SNX20: variants seen among roughly 807,000 people sequenced by gnomAD.
The protein encoded by SNX20 is sorting nexin 20.
Under a neutral mutation model 24.5 loss-of-function variants are expected in SNX20, and 21 were observed. That is an observed-to-expected ratio of 0.86 (90% confidence interval 0.61 to 1.23). The LOEUF (loss-of-function observed/expected upper bound fraction) is 1.23. Among genes scored for constraint, SNX20 ranks in the 50% most tolerant of loss-of-function variants. SNX20 has a pLI of 0.00. For synonymous variants in SNX20, 206 were observed against 192.8 expected (o/e 1.07, Z -0.57); for missense variants, 433 against 430.8 (o/e 1.00, Z -0.04).
At position 50,673,397 on chromosome 16, in the gene SNX20, C is replaced by T; in HGVS notation, c.*9G>A. On this transcript the variant is annotated 3_prime_UTR_variant, in exon 4 of 4. Coordinates refer to ENST00000330943, the MANE Select transcript of SNX20 (RefSeq NM_182854.4). This position sits in a 1 kb window ranked among gnomAD's most constrained non-coding sequence, Gnocchi z 4.1. The stretch of plus-strand genomic sequence containing the variant: ...AATCTCCAGCGTCCCTGCGGGGTCC[C>T]AGGCCGGCTCAGTGCAGGTATTCTC... The T allele has an allele frequency of 6.7e-7, 1 of 1,487,496 alleles. No individual in the cohort carries two copies. The highest frequency in any genetic ancestry group is 9.0e-7 in the Non-Finnish European group (1 of 1,113,556). The allele number at this position is 1,487,496 out of a possible 1,614,324, so 92.1% of individuals were successfully genotyped here.
chr16:50,679,943 C>T (rs951982360), intron 1 of SNX20, among the ~76,000 whole-genome samples: 4 of 152,206 alleles, frequency 2.6e-5, no homozygotes. Flanking sequence ...GGCTCCAGGT[C>T]AGAAGCAGGG....
At chr16:50,677,348 A>C (rs372314854) in intron 2 of SNX20, 49 bp downstream of exon 2, 93 of 1,491,334 alleles carry the variant, frequency 6.2e-5, no homozygotes, top group Non-Finnish European at 8.2e-5. Flanking sequence ...TTGTACTTTG[A>C]ATGTCTTCAG....
chr16:50,671,067 A>ACCCCCCCCCCCCCCCCCCCCCCCCC (rs1336879560), downstream of SNX20: 1 of 129,578 alleles, frequency 7.7e-6, no homozygotes. Flanking sequence ...CTCTGTGTGC[A>ACCCCCCCCCCCCCCCCCCCCCCCCC]CCCCCCGCCC....
rs944507574 is a variant in SNX20, at chr16:50,673,829, G to C, written c.528C>G (p.Arg176=). 1.3e-6 allele frequency: 2 copies of C among 1,598,980 alleles called. No homozygotes were observed. Among genetic ancestry groups the C allele is most frequent in the African/African-American group, 1.3e-5 (1 of 74,620 alleles). The change falls in exon 4 of 4, where the codon CGC becomes CGG. Residue 176 remains arginine, a synonymous_variant. Transcript: ENST00000330943. The surrounding 1 kb of genome is among the most constrained non-coding windows in gnomAD (Gnocchi z 4.1). ...TGAGGAAGTCCAGGAACTCCCGGGA[G>C]CGGCGCACGCAGCGGATGGCGTAGA... ...GLLYAIRCVR[R]SREFLDFLTR...
Position 50,677,416 on chromosome 16 carries a change from TG to T in SNX20, c.110del (p.Pro37GlnfsTer7). 6.2e-7 allele frequency: 1 copy of T among 1,603,090 alleles called. No homozygotes were observed. On this transcript the variant is annotated frameshift_variant, in exon 2 of 4. Coordinates refer to ENST00000330943, the MANE Select transcript of SNX20 (RefSeq NM_182854.4). LOFTEE classifies it high-confidence loss of function. ...APATGPDLPH[P>X]GPDGHLDTHS... ...GCCCACCTAAGTGCCCGTCAGGTCC[TG>T]GGTGCGGGAGGTCGGGGCCAGTGGC... is the stretch of plus-strand genomic sequence containing the variant.
chr16:50,673,458 G>C lies in SNX20; in HGVS notation c.899C>G (p.Thr300Arg). Residue 300 changes from threonine to arginine, a missense_variant, in exon 4 of 4, where the codon ACG becomes AGG. Thr to Arg is a moderately conservative substitution (Grantham distance 71, BLOSUM62 -1). Transcript: ENST00000330943. The surrounding 1 kb of genome is among the most constrained non-coding windows in gnomAD (Gnocchi z 4.1). ...CTCCTTCAGGGTGATGCCTCGGGGC[G>C]TGGGCCTCCGGAGCTGGCTCTCCTC... ...RLEESQLRRP[T>R]PRGITLKELT... 6.3e-7 allele frequency: 1 copy of C among 1,599,284 alleles called. No individual in the cohort carries two copies. Among genetic ancestry groups the C allele is most frequent in the Non-Finnish European group, 8.5e-7 (1 of 1,173,718 alleles).
At chr16:50,677,658 C>T (rs940218975) in intron 1 of SNX20, 123 bp from the exon 2 acceptor site, 4 of 1,072,426 alleles carry the variant, frequency 3.7e-6, no homozygotes, top group African/African-American at 3.3e-5. Context: ...AAGGGCCCCA[C>T]GGCTCAACCT....
At chr16:50,674,229 G>GTTTGTTTATTTATTTA (rs1555495577) in intron 3 of SNX20, among the ~76,000 whole-genome samples, 155 bp from the exon 4 acceptor site, 23 of 131,088 alleles carry the variant, frequency 1.8e-4, no homozygotes, top group African/African-American at 8.6e-4. Context: ...TTGTTTGTTT[G>GTTTGTTTATTTATTTA]TTTATTTATT....
At chr16:50,668,649 C>T, downstream of SNX20, 1 of 1,027,200 alleles carries the variant, frequency 9.7e-7, no homozygotes, top group Non-Finnish European at 1.2e-6. Flanking sequence ...GCAGGAAATT[C>T]TGGGAAGGCA....
At chr16:50,676,949 CAGA>C (rs1332040937) in intron 2 of SNX20, among the ~76,000 whole-genome samples, 7 of 152,238 alleles carry the variant, frequency 4.6e-5, no homozygotes, top group Admixed American at 6.5e-5. Context: ...CCCACTTTTC[CAGA>C]ACATGCCACT....
rs539295981 is a variant in SNX20 at position 50,677,435 on chromosome 16, C to T, written c.92G>A (p.Gly31Asp). 1.8e-5 allele frequency: 29 copies of T among 1,609,146 alleles called. No individual in the cohort carries two copies. In the East Asian group the frequency reaches 5.6e-4, roughly 31 times the overall value. Residue 31 changes from glycine to aspartate, a missense_variant, in exon 2 of 4, where the codon GGC (glycine) becomes GAC (aspartate). Physicochemically the swap from Gly to Asp is moderately conservative, Grantham distance 94. Coordinates refer to ENST00000330943, the MANE Select transcript of SNX20 (RefSeq NM_182854.4). ...AGGTCCTGGGTGCGGGAGGTCGGGG[C>T]CAGTGGCTGGTGCTTCCTGCTGGGT... Reference protein sequence around the residue: ...ARTQQEAPATGPDLPHPGPDG... With the variant: ...ARTQQEAPATDPDLPHPGPDG...
At chr16:50,667,992 C>T (rs141796154), downstream of SNX20, 375 of 1,550,690 alleles carry the variant, frequency 2.4e-4, 6 homozygotes, top group East Asian at 7.0e-3. Context: ...CCAGAACGCT[C>T]GCTCCATCTG....
intron 1 of SNX20, among the ~76,000 whole-genome samples, chr16:50,679,442 T>G (rs944362166): frequency 6.6e-6 from 1 of 152,210 alleles, no homozygotes; most frequent in African/African-American, 2.4e-5. Context: ...CGTTTGGCTC[T>G]GCACAGCCAT....
At chr16:50,668,163 C>CCAGGG, downstream of SNX20, 1 of 1,539,242 alleles carries the variant, frequency 6.5e-7, no homozygotes, top group Non-Finnish European at 8.8e-7. Flanking sequence ...AGCAAAGTCT[C>CCAGGG]CAGGGTGCTT....
chr16:50,668,562 T>G, downstream of SNX20: 1 of 1,015,894 alleles, frequency 9.8e-7, no homozygotes, highest in Non-Finnish European at 1.2e-6. Context: ...AGGAGACTGC[T>G]CAAAGGAAAA....
chr16:50,668,730 G>C (rs1962972986), downstream of SNX20: 1 of 1,108,102 alleles, frequency 9.0e-7, no homozygotes, highest in African/African-American at 1.6e-5. Flanking sequence ...TGGCTTTTGA[G>C]CCCAAGAGAG....
In SNX20 at chr16:50,673,541, G is replaced by A; in HGVS notation, c.816C>T (p.Ala272=). Reference sequence around the variant, plus strand: ...CCAGCGCGTAGGCCAGGCGGACCATGGCGTCCAGCAGAGGCGCATAGTAGC... The same window carrying A: ...CCAGCGCGTAGGCCAGGCGGACCATAGCGTCCAGCAGAGGCGCATAGTAGC... The part of the protein sequence containing the change: ...GHRYYAPLLD[A]MVRLAYALGK... The change falls in exon 4 of 4, where the codon GCC becomes GCT. Residue 272 remains alanine (A), a synonymous_variant. Coordinates refer to ENST00000330943, the MANE Select transcript of SNX20 (RefSeq NM_182854.4). The surrounding 1 kb of genome is among the most constrained non-coding windows in gnomAD (Gnocchi z 4.1). 3 of 1,609,296 alleles carry A rather than the reference G, an allele frequency of 1.9e-6. No homozygotes were observed. Among genetic ancestry groups the A allele is most frequent in the Non-Finnish European group, 1.7e-6 (2 of 1,179,150 alleles).
chr16:50,674,768 A>G (rs747709222), intron 3 of SNX20, among the ~76,000 whole-genome samples: 7 of 152,244 alleles, frequency 4.6e-5, no homozygotes, highest in African/African-American at 1.2e-4. Context: ...TACGTACAAT[A>G]TAACATCATT....
intron 3 of SNX20, among the ~76,000 whole-genome samples, chr16:50,675,464 A>G (rs754653398): frequency 6.6e-6 from 1 of 152,270 alleles, no homozygotes; most frequent in Non-Finnish European, 1.5e-5. Context: ...ATTAGAACAG[A>G]TACAGTGATA....
Sources: allele counts gnomAD v4.1 joint callset (sites outside exome capture counted in the v4.1 genomes callset), GRCh38; gene constraint gnomAD v4.1.1; non-coding constraint Gnocchi (gnomAD v3.1); transcripts MANE v1.5; gene names NCBI Gene and HGNC (gene_info 2026-07-23, HGNC 2026-07-21).